Variants in NGEF observed in about 807,000 individuals in gnomAD.
NGEF encodes the protein ephexin-1.
A neutral mutation model predicts 80.9 loss-of-function variants in NGEF; 31 were observed. The ratio of observed to expected loss-of-function variants is 0.38; its 90% CI spans 0.29 to 0.52. NGEF has a LOEUF of 0.52. Ranked by LOEUF, NGEF falls within the 20% of genes least tolerant of loss-of-function variation. The pLI is 0.84. For missense variants in NGEF, 709 were observed against 926.2 expected, an observed-to-expected ratio of 0.77 and a Z score of 3.04; for synonymous variants, 371 against 370.2, an observed-to-expected ratio of 1.00 and a Z score of -0.03.
At position 232,920,550 on chromosome 2, in the gene NGEF, G is replaced by A. The variant is rs1043271689; in HGVS notation, c.562C>T (p.Leu188Phe). 37 of 1,545,522 alleles carry A rather than the reference G, an allele frequency of 2.4e-5. No homozygotes were observed. The highest frequency in any genetic ancestry group is 3.1e-5 in the Non-Finnish European group (36 of 1,144,276). ...LYQEYRDKST[L>F]QEIETRRQQD... ...TGCCTCCTGGTTTCGATTTCTTGGA[G>A]AGTCGATTTATCTCGGTATTCCTGA... is the stretch of plus-strand genomic sequence containing the variant. The change falls in exon 5 of 15, where the codon CTC becomes TTC. Residue 188 changes from leucine (L) to phenylalanine (F), a missense_variant. Coordinates refer to ENST00000264051, the MANE Select transcript of NGEF (RefSeq NM_019850.3).
At chr2:232,985,377 G>T (rs760534252) in intron 1 of NGEF, among the ~76,000 whole-genome samples, 2 of 152,118 alleles carry the variant, frequency 1.3e-5, no homozygotes, top group African/African-American at 4.8e-5. Flanking sequence ...AGCCCTTTGG[G>T]AGGCCGAGGC....
intron 1 of NGEF, among the ~76,000 whole-genome samples, chr2:233,001,677 G>A (rs1047253976): frequency 2.6e-5 from 4 of 152,204 alleles, no homozygotes; most frequent in Non-Finnish European, 5.9e-5. Flanking sequence ...TTTTAAAAAC[G>A]AGCAGTAGCC....
At chr2:233,000,208 G>A (rs533888842) in intron 1 of NGEF, among the ~76,000 whole-genome samples, 5 of 152,122 alleles carry the variant, frequency 3.3e-5, no homozygotes, top group African/African-American at 9.7e-5. Context: ...CGATCTTCCC[G>A]CCTCAGTCTC....
chr2:232,895,804 T>C (rs1692036045), intron 5 of NGEF, among the ~76,000 whole-genome samples: 1 of 152,216 alleles, frequency 6.6e-6, no homozygotes, highest in South Asian at 2.1e-4. Flanking sequence ...ATGGAACCAA[T>C]AAGGTGATTT....
chr2:233,006,509 A>C (rs983269135), intron 1 of NGEF, among the ~76,000 whole-genome samples: 2 of 152,194 alleles, frequency 1.3e-5, no homozygotes, highest in African/African-American at 4.8e-5. Flanking sequence ...AAATCTTCCC[A>C]GACAGCTGAT....
intron 1 of NGEF, among the ~76,000 whole-genome samples, chr2:233,010,722 C>A (rs184005012): frequency 2.6e-5 from 4 of 152,338 alleles, no homozygotes; most frequent in African/African-American, 7.2e-5. Flanking sequence ...AATGGCCCCT[C>A]CTCAGTGCTC....
intron 1 of NGEF, among the ~76,000 whole-genome samples, chr2:232,993,028 A>C (rs979498877): frequency 2.1e-5 from 3 of 140,710 alleles, no homozygotes; most frequent in African/African-American, 8.2e-5. Flanking sequence ...CACGCACATA[A>C]ATATATAAAT....
In NGEF at chr2:232,880,780, G is replaced by GTCAGGTCAGGA. The variant is rs572398496; in HGVS notation, c.1942+365_1942+366insTCCTGACCTGA. Among the ~76,000 whole-genome samples the GTCAGGTCAGGA allele has an allele frequency of 4.2e-3, 640 of 152,286 alleles. 4 individuals are homozygous for GTCAGGTCAGGA. The highest frequency in any genetic ancestry group is 0.014 in the African/African-American group (586 of 41,558). On this transcript the variant is annotated intron_variant, in intron 14 of 14. Transcript: ENST00000264051. The stretch of plus-strand genomic sequence containing the variant: ...CCTGAAGCTGCAAGTACAGGTCTGG[G>GTCAGGTCAGGA]TCAGGTCAGGCTTAGGATGTTCCTG...
intron 5 of NGEF, chr2:232,905,754 G>A (rs1332439496): frequency 1.6e-4 from 61 of 382,334 alleles, no homozygotes; most frequent in African/African-American, 8.1e-4. Flanking sequence ...CTGCCCCACC[G>A]CCCTGTCTGG....
At chr2:232,926,705 C>T (rs1240601816) in intron 4 of NGEF, among the ~76,000 whole-genome samples, 1 of 152,166 alleles carries the variant, frequency 6.6e-6, no homozygotes, top group East Asian at 1.9e-4. Flanking sequence ...GGAGTCCTCC[C>T]CGCTGCACAG....
chr2:232,883,031 CAG>C (rs1691558601), intron 12 of NGEF, among the ~76,000 whole-genome samples: 1 of 151,546 alleles, frequency 6.6e-6, no homozygotes, highest in African/African-American at 2.4e-5. Context: ...GGGACTCGCC[CAG>C]AGTCTGAAGC....
In NGEF at chr2:232,885,268, C is replaced by T; in HGVS notation, c.1437+12G>A. 1 of 1,612,894 alleles carries T rather than the reference C, an allele frequency of 6.2e-7. No individual in the cohort carries two copies. The highest frequency in any genetic ancestry group is 8.5e-7 in the Non-Finnish European group (1 of 1,179,282). ...GCATGGGCACAGGCTCACACCAATC[C>T]CACCGGTTCACCTTGATCTTGAACT... is the stretch of plus-strand genomic sequence containing the variant. On this transcript the variant is annotated intron_variant, in intron 10 of 14. Coordinates refer to ENST00000264051, the MANE Select transcript of NGEF (RefSeq NM_019850.3).
At chr2:232,948,636 T>G (rs1435142506) in intron 3 of NGEF, among the ~76,000 whole-genome samples, 2 of 152,202 alleles carry the variant, frequency 1.3e-5, no homozygotes, top group East Asian at 3.9e-4. Context: ...TTTTTCTGCA[T>G]GTTTAAAATT....
intron 5 of NGEF, among the ~76,000 whole-genome samples, chr2:232,899,146 A>T (rs1170074508): frequency 2.0e-5 from 3 of 151,014 alleles, no homozygotes; most frequent in South Asian, 2.1e-4. Flanking sequence ...AGAGTATGAG[A>T]GTGTGTGACA....
chr2:232,887,528 A>C (rs1691730540), intron 9 of NGEF, among the ~76,000 whole-genome samples: 1 of 151,934 alleles, frequency 6.6e-6, no homozygotes, highest in African/African-American at 2.4e-5. Flanking sequence ...CTGGGTTCGG[A>C]GCAAAGGGCT....
intron 5 of NGEF, among the ~76,000 whole-genome samples, chr2:232,911,143 T>G (rs919066315): frequency 6.6e-6 from 1 of 152,236 alleles, no homozygotes; most frequent in African/African-American, 2.4e-5. Flanking sequence ...TACATTTAGA[T>G]CCATGATCCA....
At chr2:232,957,418 G>A (rs1009763101) in intron 3 of NGEF, among the ~76,000 whole-genome samples, 1 of 152,056 alleles carries the variant, frequency 6.6e-6, no homozygotes. Flanking sequence ...TGCCTCCCAG[G>A]TTCAAACAAT....
intron 3 of NGEF, among the ~76,000 whole-genome samples, chr2:232,927,612 G>C (rs1319982342): frequency 1.3e-5 from 2 of 152,218 alleles, no homozygotes; most frequent in East Asian, 3.9e-4. Context: ...GCGCGGAAAG[G>C]GGATGCCGAG....
At chr2:233,005,268 G>C (rs762090559) in intron 1 of NGEF, among the ~76,000 whole-genome samples, 1 of 152,224 alleles carries the variant, frequency 6.6e-6, no homozygotes, top group African/African-American at 2.4e-5. Context: ...GGAGCTGGCA[G>C]GTCGCTCCGC....
Sources: gnomAD v4.1 joint callset for allele counts (sites outside exome capture counted in the v4.1 genomes callset) on GRCh38, gnomAD v4.1.1 for gene constraint, MANE v1.5 for transcripts, NCBI Gene and HGNC (gene_info 2026-07-23, HGNC 2026-07-21) for gene names.